SAR1B: variants seen among roughly 807,000 people sequenced by gnomAD.
SAR1B encodes small COPII coat GTPase SAR1B.
Under a neutral mutation model 26.8 loss-of-function variants are expected in SAR1B, and 23 were observed. The ratio of observed to expected loss-of-function variants is 0.86; its 90% CI spans 0.62 to 1.22. The LOEUF is 1.22. Among genes scored for constraint, SAR1B ranks in the 50% most tolerant of loss-of-function variants. The pLI is 0.00. For synonymous variants in SAR1B, 65 were observed against 80.8 expected (o/e 0.80, Z 1.05); for missense variants, 196 against 232.8 (o/e 0.84, Z 1.03).
Position 134,602,948 on chromosome 5 carries a change from T to A in SAR1B, c.*4002A>T, listed in dbSNP as rs1290105687. The A allele has an allele frequency of 3.3e-5, 5 of 152,212 alleles. No homozygotes were observed. Among genetic ancestry groups the A allele is most frequent in the Non-Finnish European group, 7.3e-5 (5 of 68,040 alleles). The allele number at this position is 152,212 out of a possible 1,614,324, so 9.4% of individuals were successfully genotyped here. ...AATTTAGTCCTTAATTGAAGCACAC[T>A]GTTTTTCTAAACTCTTATATTTATA... On this transcript the variant is annotated 3_prime_UTR_variant, in exon 7 of 7. Transcript: ENST00000402673.
Position 134,626,298 on chromosome 5 carries a change from C to CAAAAA in SAR1B, c.-18-2266_-18-2262dup, listed in dbSNP as rs35668627. Among the ~76,000 whole-genome samples the CAAAAA allele has an allele frequency of 1.2e-3, 62 of 53,126 alleles. 2 individuals are homozygous for CAAAAA. Among genetic ancestry groups the CAAAAA allele is most frequent in the African/African-American group, 3.1e-3 (50 of 16,314 alleles). The allele number at this position is 53,126 out of a possible 152,430, so 34.9% of individuals were successfully genotyped here. On this transcript the variant is annotated intron_variant, in intron 1 of 6. Coordinates refer to ENST00000402673, the MANE Select transcript of SAR1B (RefSeq NM_016103.4). The stretch of plus-strand genomic sequence containing the variant: ...TGGGCCACAGAGCAAGACTCTGCCT[C>CAAAAA]AAAAAAAAAAAAAAAAAAAAAAAAA...
chr5:134,632,149 C>CCGAGAT (rs1354615020), intron 1 of SAR1B: 12 of 152,120 alleles, frequency 7.9e-5, no homozygotes, highest in Admixed American at 7.9e-4. Flanking sequence ...TTGCAGTAAG[C>CCGAGAT]CGAGATCGTG....
chr5:134,622,347 T>C (rs2150054605), intron 2 of SAR1B, among the ~76,000 whole-genome samples: 1 of 152,144 alleles, frequency 6.6e-6, no homozygotes, highest in African/African-American at 2.4e-5. Context: ...AATTTAAAAG[T>C]AATTGAACAT....
chr5:134,616,131 G>GAAAAAA (rs1218921148), intron 3 of SAR1B, among the ~76,000 whole-genome samples: 1 of 69,456 alleles, frequency 1.4e-5, no homozygotes, highest in Non-Finnish European at 2.8e-5. Context: ...CTCCATCTCG[G>GAAAAAA]AAAAAAAAAA....
intron 2 of SAR1B, among the ~76,000 whole-genome samples, chr5:134,622,410 CTTT>C (rs70976542): frequency 3.0e-5 from 4 of 135,564 alleles, no homozygotes; most frequent in Admixed American, 7.5e-5. Context: ...AGCCCATATT[CTTT>C]TTTTTTTTTT....
chr5:134,619,072 G>C (rs947441731), intron 3 of SAR1B, among the ~76,000 whole-genome samples: 1 of 151,978 alleles, frequency 6.6e-6, no homozygotes, highest in South Asian at 2.1e-4. Context: ...GCTCATGCCT[G>C]TAATCCCAGC....
At chr5:134,621,539 A>G (rs1428865087) in intron 2 of SAR1B, among the ~76,000 whole-genome samples, 1 of 152,144 alleles carries the variant, frequency 6.6e-6, no homozygotes, top group African/African-American at 2.4e-5. Context: ...GGGACTTCAG[A>G]TAATTATAAA....
At position 134,602,411 on chromosome 5, in the gene SAR1B, A is replaced by AG. The variant is rs1189153158; in HGVS notation, c.*4538dup. On this transcript the variant is annotated 3_prime_UTR_variant, in exon 7 of 7. Transcript: ENST00000402673. Reference sequence around the variant, plus strand: ...TCCAGGTGTTGGGTGGGGATTTGTGAGGGGGAATGGTAACAGGGTTCAGAA... The same window carrying AG: ...TCCAGGTGTTGGGTGGGGATTTGTGAGGGGGGAATGGTAACAGGGTTCAGAA... 5.3e-5 allele frequency: 8 copies of AG among 152,290 alleles called. No individual in the cohort carries two copies. Among genetic ancestry groups the AG allele is most frequent in the African/African-American group, 1.9e-4 (8 of 41,554 alleles). The allele number at this position is 152,290 out of a possible 1,614,324, so 9.4% of individuals were successfully genotyped here.
intron 4 of SAR1B, among the ~76,000 whole-genome samples, chr5:134,610,733 C>CA (rs1334989456): frequency 2.0e-5 from 3 of 150,526 alleles, no homozygotes; most frequent in Non-Finnish European, 4.4e-5. Flanking sequence ...GACTCTGTTT[C>CA]AAAAAAAATA....
chr5:134,604,190 A>C lies in SAR1B; in HGVS notation c.*2760T>G, dbSNP rs1765092908. On this transcript the variant is annotated 3_prime_UTR_variant, in exon 7 of 7. Transcript: ENST00000402673. ...GGTATGGGATCTCTTTAAAAGTGTA[A>C]AAGTGGGTTGAGACCTTATATTTTT... The C allele has an allele frequency of 6.6e-6, 1 of 152,204 alleles. No individual in the cohort carries two copies. The highest frequency in any genetic ancestry group is 2.4e-5 in the African/African-American group (1 of 41,454). 9.4% of individuals were successfully genotyped at this position (152,204 alleles called of 1,614,324 possible). A position where few individuals can be genotyped will look rare whatever the true frequency, so the allele number is the denominator to read the frequency against.
chr5:134,621,661 T>A (rs974578984), intron 2 of SAR1B, among the ~76,000 whole-genome samples: 2 of 152,262 alleles, frequency 1.3e-5, no homozygotes, highest in East Asian at 3.9e-4. Flanking sequence ...ATAGATAAAT[T>A]GATAAATAGA....
rs899145173 is a variant in SAR1B at position 134,604,864 on chromosome 5, A to G, written c.*2086T>C. 1.3e-5 allele frequency: 2 copies of G among 152,234 alleles called. No individual in the cohort carries two copies. The highest frequency in any genetic ancestry group is 4.8e-5 in the African/African-American group (2 of 41,470). 9.4% of individuals were successfully genotyped at this position (152,234 alleles called of 1,614,324 possible). A position where few individuals can be genotyped will look rare whatever the true frequency, so the allele number is the denominator to read the frequency against. Reference sequence around the variant, plus strand: ...GAAAGGCAGGTCCCTGAAGGTACAGATAACATGAACAAGAGGCAGTTATTT... The same window carrying G: ...GAAAGGCAGGTCCCTGAAGGTACAGGTAACATGAACAAGAGGCAGTTATTT... On this transcript the variant is annotated 3_prime_UTR_variant, in exon 7 of 7. Transcript: ENST00000402673.
intron 4 of SAR1B, among the ~76,000 whole-genome samples, chr5:134,610,048 G>A (rs1361304646): frequency 2.0e-5 from 3 of 151,228 alleles, no homozygotes; most frequent in Non-Finnish European, 4.4e-5. Flanking sequence ...TACATAAAAT[G>A]TGTGTATTTA....
Position 134,612,765 on chromosome 5 carries a change from G to A in SAR1B, c.179-9C>T, listed in dbSNP as rs59837893. On this transcript the variant is annotated splice_polypyrimidine_tract_variant and intron_variant, in intron 3 of 6. Transcript: ENST00000402673. ...GGTCAGTTCTTCGGAAGCTAAATAA[G>A]ATTTTAAAATATTTTTACATGAAAA... 1 of 1,468,570 alleles carries A rather than the reference G, an allele frequency of 6.8e-7. No homozygotes were observed. The highest frequency in any genetic ancestry group is 9.1e-7 in the Non-Finnish European group (1 of 1,095,442). The allele number at this position is 1,468,570 out of a possible 1,614,324, so 91.0% of individuals were successfully genotyped here.
At chr5:134,611,678 G>C (rs1765215029) in intron 4 of SAR1B, among the ~76,000 whole-genome samples, 1 of 152,122 alleles carries the variant, frequency 6.6e-6, no homozygotes, top group Admixed American at 6.6e-5. Flanking sequence ...AATATACTAA[G>C]TGCTATGAAG....
Position 134,604,011 on chromosome 5 carries a change from G to A in SAR1B, c.*2939C>T, listed in dbSNP as rs1429648688. ...ACAAAGATACTGGTTTAAACCAACAGTGAATAATTTTTTTTCATATACTTT... is the reference window on the plus strand; with the variant it reads ...ACAAAGATACTGGTTTAAACCAACAATGAATAATTTTTTTTCATATACTTT... On this transcript the variant is annotated 3_prime_UTR_variant, in exon 7 of 7. Transcript: ENST00000402673. 7 of 152,130 alleles carry A rather than the reference G, an allele frequency of 4.6e-5. No homozygotes were observed. Among genetic ancestry groups the A allele is most frequent in the Non-Finnish European group, 7.4e-5 (5 of 68,018 alleles). The allele number at this position is 152,130 out of a possible 1,614,324, so 9.4% of individuals were successfully genotyped here.
intron 3 of SAR1B, chr5:134,614,202 T>C (rs1306867843): frequency 6.6e-6 from 1 of 152,196 alleles, no homozygotes; most frequent in Non-Finnish European, 1.5e-5. Context: ...ATTTTTCATT[T>C]CTAGAAGTTT....
intron 1 of SAR1B, among the ~76,000 whole-genome samples, chr5:134,626,569 T>C (rs1403223308): frequency 6.6e-6 from 1 of 152,160 alleles, no homozygotes; most frequent in East Asian, 1.9e-4. Context: ...ATTTATTTAT[T>C]GCACCAATAC....
intron 2 of SAR1B, among the ~76,000 whole-genome samples, chr5:134,622,054 A>T (rs901490222): frequency 1.3e-5 from 2 of 152,132 alleles, no homozygotes; most frequent in African/African-American, 4.8e-5. Context: ...TAATGGTCTA[A>T]CCTCCACAAA....
Sources: allele counts gnomAD v4.1 joint callset (sites outside exome capture counted in the v4.1 genomes callset), GRCh38; gene constraint gnomAD v4.1.1; transcripts MANE v1.5; gene names NCBI Gene and HGNC (gene_info 2026-07-23, HGNC 2026-07-21).